Variants in CUEDC2 observed in about 807,000 individuals in gnomAD.
CUEDC2 encodes CUE domain containing 2, also known as CUE domain-containing protein 2.
A neutral mutation model predicts 36.0 loss-of-function variants in CUEDC2; 10 were observed. The observed-to-expected ratio is 0.28, with a 90% CI of 0.17 to 0.47. CUEDC2 has a LOEUF of 0.47. Among genes scored for constraint, CUEDC2 ranks in the 20% least tolerant of loss-of-function variants. CUEDC2 has a pLI of 0.99. For synonymous variants in CUEDC2, 133 were observed against 141.8 expected, an observed-to-expected ratio of 0.94 and a Z score of 0.44; for missense variants, 269 against 368.1, an observed-to-expected ratio of 0.73 and a Z score of 2.20.
intron 1 of CUEDC2, among the ~76,000 whole-genome samples, chr10:102,426,079 T>C (rs1353988748): frequency 1.3e-5 from 2 of 152,228 alleles, no homozygotes; most frequent in African/African-American, 4.8e-5. Context: ...TATTTTGTGC[T>C]TATTTGCCTA....
At chr10:102,428,361 C>T (rs2061605391) in intron 1 of CUEDC2, among the ~76,000 whole-genome samples, 2 of 152,212 alleles carry the variant, frequency 1.3e-5, no homozygotes, top group Admixed American at 1.3e-4. Context: ...ACCTATGGGT[C>T]TGGAGCCATT....
intron 1 of CUEDC2, 133 bp from the exon 2 acceptor site, chr10:102,425,331 T>C: frequency 1.5e-6 from 1 of 655,068 alleles, no homozygotes; most frequent in Non-Finnish European, 2.8e-6. Context: ...TTCCCCCAAG[T>C]AGAACCATGC....
intron 1 of CUEDC2, among the ~76,000 whole-genome samples, chr10:102,430,147 T>TTA (rs1555002041): frequency 1.7e-5 from 2 of 120,470 alleles, no homozygotes; most frequent in African/African-American, 6.5e-5. Context: ...TTTTTTTTAA[T>TTA]TTTATTTATT....
At chr10:102,428,073 C>T (rs1373826097) in intron 1 of CUEDC2, among the ~76,000 whole-genome samples, 4 of 152,160 alleles carry the variant, frequency 2.6e-5, no homozygotes, top group African/African-American at 4.8e-5. Flanking sequence ...TCCCGAGTAA[C>T]TGGGATTACA....
At position 102,424,836 on chromosome 10, in the gene CUEDC2, G is replaced by A. The variant is rs918814171; in HGVS notation, c.75-44C>T. ...ACAAGCCCTGGGTAGGACACTGGAT[G>A]CCTCCAGCACCCCCACCTATCCTGA... On this transcript the variant is annotated intron_variant, in intron 2 of 8. Transcript: ENST00000369937. This position sits in a 1 kb window ranked among gnomAD's most constrained non-coding sequence, Gnocchi z 4.2. The A allele has an allele frequency of 5.6e-6, 9 of 1,599,494 alleles. No individual in the cohort carries two copies. The highest frequency in any genetic ancestry group is 6.8e-6 in the Non-Finnish European group (8 of 1,174,514).
In CUEDC2 at chr10:102,424,966, A is replaced by G; in HGVS notation, c.74+149T>C. ...AGCTATGGTTTCCCATCTGCCCAAC[A>G]AAGGTGACAGGGACAGGATGAGAGG... On this transcript the variant is annotated intron_variant, in intron 2 of 8. Transcript: ENST00000369937. The surrounding 1 kb of genome is among the most constrained non-coding windows in gnomAD (Gnocchi z 4.2). The G allele has an allele frequency of 2.1e-6, 2 of 941,048 alleles. No homozygotes were observed. Among genetic ancestry groups the G allele is most frequent in the Non-Finnish European group, 3.2e-6 (2 of 620,116 alleles). 58.3% of individuals were successfully genotyped at this position (941,048 alleles called of 1,614,324 possible).
chr10:102,423,608 G>A lies in CUEDC2; in HGVS notation c.718-36C>T, dbSNP rs201799406. 436 of 1,614,200 alleles carry A rather than the reference G, an allele frequency of 2.7e-4. 1 individual carries two copies. Among genetic ancestry groups the A allele is most frequent in the Admixed American group, 3.5e-4 (21 of 60,020 alleles). On this transcript the variant is annotated intron_variant, in intron 8 of 8. Transcript: ENST00000369937. This position sits in a 1 kb window ranked among gnomAD's most constrained non-coding sequence, Gnocchi z 5.6. ...ATCAGCAGTGAGTGGCAGAAGCCAGGAGCCAGTCCCACCCATTCCGCATCC... is the reference window on the plus strand; with the variant it reads ...ATCAGCAGTGAGTGGCAGAAGCCAGAAGCCAGTCCCACCCATTCCGCATCC...
chr10:102,423,538 T>C lies in CUEDC2; in HGVS notation c.752A>G (p.Gln251Arg). Residue 251 changes from glutamine to arginine, a missense_variant, in exon 9 of 9, where the codon CAG becomes CGG. By Grantham distance (43) the Gln-to-Arg change is conservative. Transcript: ENST00000369937. The surrounding 1 kb of genome is among the most constrained non-coding windows in gnomAD (Gnocchi z 5.6). The part of the protein sequence containing the change: ...PKKLIRYIDN[Q>R]VVSTKGERFK... Reference sequence around the variant, plus strand: ...TCGCTCCCCTTTGGTGCTCACTACCTGGTTGTCGATGTATCGGATCAGCTT... The same window carrying C: ...TCGCTCCCCTTTGGTGCTCACTACCCGGTTGTCGATGTATCGGATCAGCTT... 1 of 1,614,194 alleles carries C rather than the reference T, an allele frequency of 6.2e-7. No homozygotes were observed. Among genetic ancestry groups the C allele is most frequent in the Non-Finnish European group, 8.5e-7 (1 of 1,180,026 alleles).
At chr10:102,431,820 G>A (rs769049284) in intron 1 of CUEDC2, among the ~76,000 whole-genome samples, 1 of 152,160 alleles carries the variant, frequency 6.6e-6, no homozygotes, top group African/African-American at 2.4e-5. Flanking sequence ...GGGCAGCACA[G>A]GCCTGGACCC....
intron 1 of CUEDC2, among the ~76,000 whole-genome samples, chr10:102,429,528 A>G (rs1278144549): frequency 6.6e-6 from 1 of 151,006 alleles, no homozygotes; most frequent in Non-Finnish European, 1.5e-5. Context: ...CCCGAGTGGT[A>G]ACAGAGTTGC....
Position 102,431,163 on chromosome 10 carries a change from G to A in CUEDC2, c.-11+1363C>T, listed in dbSNP as rs533398282. On this transcript the variant is annotated intron_variant, in intron 1 of 8. Coordinates refer to ENST00000369937, the MANE Select transcript of CUEDC2 (RefSeq NM_024040.3). ...TTATTTATTTATGTATTTTTGAGACGGAGTCTCGCTCTGCCATCCAGGCTG... is the reference window on the plus strand; with the variant it reads ...TTATTTATTTATGTATTTTTGAGACAGAGTCTCGCTCTGCCATCCAGGCTG... Among the ~76,000 whole-genome samples, 15 of 152,072 alleles carry A rather than the reference G, an allele frequency of 9.9e-5. No individual in the cohort carries two copies. The South Asian group carries it at 2.9e-3, about 30-fold the overall frequency.
intron 1 of CUEDC2, among the ~76,000 whole-genome samples, chr10:102,431,043 T>C (rs2135473971): frequency 6.6e-6 from 1 of 152,384 alleles, no homozygotes; most frequent in Middle Eastern, 3.4e-3. Flanking sequence ...TACGAGGCAT[T>C]GTCCTAAGCA....
chr10:102,424,108 A>G lies in CUEDC2; in HGVS notation c.482T>C (p.Val161Ala), dbSNP rs1372267586. 6.2e-7 allele frequency: 1 copy of G among 1,614,036 alleles called. No homozygotes were observed. The highest frequency in any genetic ancestry group is 1.1e-5 in the South Asian group (1 of 91,076). ...GGCCAGCACCCACTGGGCCTGCTCC[A>G]CCGAACAGGTAGGGAACACCTCCAG... Reference protein sequence around the residue: ...VLLEVFPTCSVEQAQWVLAKA... With the variant: ...VLLEVFPTCSAEQAQWVLAKA... The change falls in exon 6 of 9, where the codon GTG (valine) becomes GCG (alanine). Residue 161 changes from valine (V) to alanine (A), a missense_variant. Transcript: ENST00000369937. The surrounding 1 kb of genome is among the most constrained non-coding windows in gnomAD (Gnocchi z 4.2).
In CUEDC2 at chr10:102,424,311, C is replaced by T. The variant is rs1173543120; in HGVS notation, c.364G>A (p.Glu122Lys). The change falls in exon 5 of 9, where the codon GAA becomes AAA. Residue 122 changes from glutamate (E) to lysine (K), a missense_variant. Coordinates refer to ENST00000369937, the MANE Select transcript of CUEDC2 (RefSeq NM_024040.3). The surrounding 1 kb of genome is among the most constrained non-coding windows in gnomAD (Gnocchi z 4.2). ...GCAGCAGCCGAAGACCTAGTCTCTT[C>T]TTTGAGCATTTCGGGCCGCTGCAGG... is the stretch of plus-strand genomic sequence containing the variant. ...EPLQRPEMLK[E>K]ETRSSAAAAA... 2 of 1,614,188 alleles carry T rather than the reference C, an allele frequency of 1.2e-6. No homozygotes were observed. Among genetic ancestry groups the T allele is most frequent in the Non-Finnish European group, 1.7e-6 (2 of 1,180,022 alleles).
chr10:102,424,768 G>A lies in CUEDC2; in HGVS notation c.99C>T (p.Ser33=). 6.2e-7 allele frequency: 1 copy of A among 1,613,752 alleles called. No homozygotes were observed. Among genetic ancestry groups the A allele is most frequent in the South Asian group, 1.1e-5 (1 of 91,078 alleles). Residue 33 remains serine (S), a synonymous_variant, in exon 3 of 9, where the codon TCC becomes TCT. Transcript: ENST00000369937. This position sits in a 1 kb window ranked among gnomAD's most constrained non-coding sequence, Gnocchi z 4.2. ...GGTCCTCCAGGACCCCAAGCACATA[G>A]GAGAAGATGACCTCATCCAAGCCAC... ...DLSGLDEVIF[S]YVLGVLEDLG...
At chr10:102,427,323 A>G (rs1051928964) in intron 1 of CUEDC2, among the ~76,000 whole-genome samples, 1 of 151,952 alleles carries the variant, frequency 6.6e-6, no homozygotes, top group African/African-American at 2.4e-5. Flanking sequence ...TTATGTACCA[A>G]TGCCATGTCA....
At chr10:102,431,202 C>T (rs558774864) in intron 1 of CUEDC2, among the ~76,000 whole-genome samples, 57 of 152,248 alleles carry the variant, frequency 3.7e-4, no homozygotes, top group Middle Eastern at 3.4e-3. Context: ...TGCAGTGGTG[C>T]GATCTCAGCT....
intron 1 of CUEDC2, among the ~76,000 whole-genome samples, chr10:102,430,428 CAAAGTGCTGGGATT>C: frequency 6.6e-6 from 1 of 152,326 alleles, no homozygotes; most frequent in South Asian, 2.1e-4. Context: ...CTAGGCCTCC[CAAAGTGCTGGGATT>C]ATAGGCGTGA....
chr10:102,424,366 G>A lies in CUEDC2; in HGVS notation c.309C>T (p.Val103=), dbSNP rs753821757. 2 of 1,614,100 alleles carry A rather than the reference G, an allele frequency of 1.2e-6. No homozygotes were observed. The highest frequency in any genetic ancestry group is 2.7e-5 in the African/African-American group (2 of 75,026). ...KENLQPQSSG[V]QGQVPISPEP... ...CTGGGGAGATGGGCACCTGACCTTGGACACCAGAGCTCTGCGGTTGCAGGT... is the reference window on the plus strand; with the variant it reads ...CTGGGGAGATGGGCACCTGACCTTGAACACCAGAGCTCTGCGGTTGCAGGT... The change falls in exon 5 of 9, where the codon GTC becomes GTT. Residue 103 remains valine, a synonymous_variant. Transcript: ENST00000369937. The surrounding 1 kb of genome is among the most constrained non-coding windows in gnomAD (Gnocchi z 4.2).
Sources: gnomAD v4.1 joint callset for allele counts (sites outside exome capture counted in the v4.1 genomes callset) on GRCh38, gnomAD v4.1.1 for gene constraint, Gnocchi (gnomAD v3.1) non-coding constraint, MANE v1.5 for transcripts, NCBI Gene and HGNC (gene_info 2026-07-23, HGNC 2026-07-21) for gene names.